HAAO: variants seen among roughly 807,000 people sequenced by gnomAD.
HAAO encodes the protein 3-hydroxyanthranilate oxygenase.
HAAO carries 49 observed loss-of-function variants against 46.2 expected under a neutral mutation model. The ratio of observed to expected loss-of-function variants is 1.06; its 90% CI spans 0.84 to 1.34. The LOEUF is 1.34. HAAO is among the 40% of genes most tolerant of loss of function. The pLI, the probability that HAAO is intolerant of heterozygous loss-of-function variation, is 0.00. For missense variants in HAAO, 408 were observed against 364.5 expected (o/e 1.12, Z -0.97); for synonymous variants, 157 against 145.2 (o/e 1.08, Z -0.58).
chr2:42,788,130 TG>T (rs1361251988), intron 2 of HAAO, among the ~76,000 whole-genome samples: 1 of 152,188 alleles, frequency 6.6e-6, no homozygotes, highest in Non-Finnish European at 1.5e-5. Flanking sequence ...ACGGTGTTTT[TG>T]CACTTTGCCC....
At position 42,783,786 on chromosome 2, in the gene HAAO, C is replaced by T. The variant is rs1486834683; in HGVS notation, c.241G>A (p.Glu81Lys). The change falls in exon 3 of 10, where the codon GAG (glutamate) becomes AAG (lysine). Residue 81 changes from glutamate to lysine, a missense_variant and splice_region_variant. Glu to Lys is a moderately conservative substitution (Grantham distance 56). Coordinates refer to ENST00000294973, the MANE Select transcript of HAAO (RefSeq NM_012205.3). ...ACCCTGCTGGGATCCGGCCTCACCT[C>T]TCCCTGCCGAATGACCACATCCCGG... Reference protein sequence around the residue: ...KHRDVVIRQGEIFLLPARVPH... With the variant: ...KHRDVVIRQGKIFLLPARVPH... 1.2e-6 allele frequency: 2 copies of T among 1,611,428 alleles called. No homozygotes were observed. The highest frequency in any genetic ancestry group is 1.7e-5 in the Admixed American group (1 of 59,694).
intron 6 of HAAO, 79 bp downstream of exon 6, chr2:42,770,064 C>G (rs757961797): frequency 7.2e-7 from 1 of 1,379,918 alleles, no homozygotes; most frequent in African/African-American, 1.4e-5. Context: ...AAAGAGACTC[C>G]CCGGTCCCCT....
In HAAO at chr2:42,767,954, C is replaced by G. The variant is rs751804650; in HGVS notation, c.631-26G>C. On this transcript the variant is annotated intron_variant, in intron 7 of 9. Coordinates refer to ENST00000294973, the MANE Select transcript of HAAO (RefSeq NM_012205.3). ...CTGGTGGGAGGTGAAACAGAAACTT[C>G]TGGTGCTTCTTGCCCCACATGGGAG... 9.3e-6 allele frequency: 15 copies of G among 1,605,092 alleles called. No homozygotes were observed. In the Admixed American group the frequency reaches 1.8e-4, roughly 20 times the overall value.
chr2:42,770,510 C>T lies in HAAO; in HGVS notation c.423G>A (p.Leu141=). The T allele has an allele frequency of 6.4e-7, 1 of 1,551,680 alleles. No homozygotes were observed. Among genetic ancestry groups the T allele is most frequent in the African/African-American group, 1.4e-5 (1 of 73,196 alleles). Reference sequence around the variant, plus strand: ...GGGCTCACTCCTGGATGATGGGGGCCAACTGCGTGCCGAGGTCCTTGCAGT... The same window carrying T: ...GGGCTCACTCCTGGATGATGGGGGCTAACTGCGTGCCGAGGTCCTTGCAGT... ...WFYCKDLGTQ[L]APIIQEFFSS... is the part of the protein sequence containing the mutation. Residue 141 remains leucine, a synonymous_variant, in exon 5 of 10, where the codon TTG becomes TTA. Coordinates refer to ENST00000294973, the MANE Select transcript of HAAO (RefSeq NM_012205.3).
At chr2:42,788,870 T>C (rs181674810) in intron 1 of HAAO, 178 of 442,650 alleles carry the variant, frequency 4.0e-4, no homozygotes, top group African/African-American at 3.1e-3. Flanking sequence ...ACAAGGGAAA[T>C]GATGTGGTGG....
intron 8 of HAAO, 53 bp from the exon 9 acceptor site, chr2:42,767,730 G>A (rs986007426): frequency 1.3e-6 from 2 of 1,546,194 alleles, no homozygotes; most frequent in African/African-American, 1.4e-5. Context: ...CTCATCACCT[G>A]GGTGAATGTC....
intron 4 of HAAO, chr2:42,783,060 G>A: frequency 1.8e-6 from 1 of 546,906 alleles, no homozygotes; most frequent in South Asian, 2.2e-5. Context: ...CACAGATTCT[G>A]ATTCCAGCCA....
intron 7 of HAAO, among the ~76,000 whole-genome samples, chr2:42,769,266 G>GA (rs1670897709): frequency 6.6e-6 from 1 of 152,190 alleles, no homozygotes; most frequent in Non-Finnish European, 1.5e-5. Context: ...AATGTGGAAT[G>GA]AAAGAAAGTC....
chr2:42,792,446 G>T lies in HAAO; in HGVS notation c.80+11C>A. ...GAGGGCAGGGGGCGGCCATGGGGGT[G>T]CTGGACTCACATGAGCTTGTTGCAG... On this transcript the variant is annotated intron_variant, in intron 1 of 9. Coordinates refer to ENST00000294973, the MANE Select transcript of HAAO (RefSeq NM_012205.3). The T allele has an allele frequency of 1.9e-6, 3 of 1,547,108 alleles. No individual in the cohort carries two copies. The highest frequency in any genetic ancestry group is 2.6e-6 in the Non-Finnish European group (3 of 1,138,082).
chr2:42,767,620 T>C lies in HAAO; in HGVS notation c.757A>G (p.Ser253Gly). The C allele has an allele frequency of 6.4e-7, 1 of 1,574,124 alleles. No homozygotes were observed. Among genetic ancestry groups the C allele is most frequent in the Non-Finnish European group, 8.6e-7 (1 of 1,159,110 alleles). ...GAGGTCCCAGCTAGCACCAGGAGGCTGTCATCAGGGGCCAGGCTCAGGCGC... is the reference window on the plus strand; with the variant it reads ...GAGGTCCCAGCTAGCACCAGGAGGCCGTCATCAGGGGCCAGGCTCAGGCGC... The part of the protein sequence containing the change: ...GRRLSLAPDD[S>G]LLVLAGTSYA... The change falls in exon 9 of 10, where the codon AGC (serine) becomes GGC (glycine). Residue 253 changes from serine (S) to glycine (G), a missense_variant. Ser to Gly is a moderately conservative substitution (Grantham distance 56). Transcript: ENST00000294973.
chr2:42,777,318 AAAAAAG>A (rs1202786177), intron 4 of HAAO, among the ~76,000 whole-genome samples: 9 of 150,818 alleles, frequency 6.0e-5, no homozygotes, highest in African/African-American at 1.7e-4. Context: ...AAAAAAAAAA[AAAAAAG>A]AAGAAAGAAA....
At chr2:42,789,216 A>G (rs1672608006) in intron 1 of HAAO, 1 of 153,584 alleles carries the variant, frequency 6.5e-6, no homozygotes, top group Admixed American at 6.4e-5. Context: ...AACAGAATAC[A>G]TGAATTAATA....
intron 7 of HAAO, 40 bp downstream of exon 7, chr2:42,769,673 G>T: frequency 6.4e-7 from 1 of 1,564,536 alleles, no homozygotes. Context: ...TTCCAGGGCT[G>T]CTGTGGGAGG....
intron 4 of HAAO, among the ~76,000 whole-genome samples, chr2:42,775,073 C>T (rs974468276): frequency 1.3e-5 from 2 of 151,954 alleles, no homozygotes; most frequent in African/African-American, 4.8e-5. Context: ...GTGGTGAAAC[C>T]CCGTCTCTAC....
chr2:42,769,573 G>GTA, intron 7 of HAAO, 140 bp downstream of exon 7: 1 of 43,408 alleles, frequency 2.3e-5, no homozygotes. Context: ...TCTGAAATGT[G>GTA]TGTGTGTGTG....
chr2:42,790,718 G>C (rs924223518), intron 1 of HAAO, among the ~76,000 whole-genome samples: 3 of 152,008 alleles, frequency 2.0e-5, no homozygotes, highest in Non-Finnish European at 4.4e-5. Context: ...TTTTAGCAGA[G>C]ACGGGGTTTC....
In HAAO at chr2:42,788,603, G is replaced by T; in HGVS notation, c.85C>A (p.Gln29Lys). 6.4e-7 allele frequency: 1 copy of T among 1,570,758 alleles called. No individual in the cohort carries two copies. The highest frequency in any genetic ancestry group is 8.8e-7 in the Non-Finnish European group (1 of 1,141,346). ...QPPVCNKLMH[Q>K]EQLKVMFIGG... ...ATGAACATGACTTTGAGCTGCTCCT[G>T]GTGCCTGCAATGCGCAAAGTGGGGG... Residue 29 changes from glutamine to lysine, a missense_variant, in exon 2 of 10, where the codon CAG (glutamine) becomes AAG (lysine). Gln to Lys is a moderately conservative substitution (Grantham distance 53). Coordinates refer to ENST00000294973, the MANE Select transcript of HAAO (RefSeq NM_012205.3).
chr2:42,777,303 C>CAAAAAAAAAAAAAAAA (rs1215772853), intron 4 of HAAO, among the ~76,000 whole-genome samples: 8 of 40,216 alleles, frequency 2.0e-4, no homozygotes, highest in African/African-American at 3.8e-4. Flanking sequence ...ACTCTTATCG[C>CAAAAAAAAAAAAAAAA]AAAAAAAAAA....
chr2:42,790,879 C>T (rs944300560), intron 1 of HAAO, among the ~76,000 whole-genome samples: 2 of 152,110 alleles, frequency 1.3e-5, no homozygotes, highest in African/African-American at 4.8e-5. Context: ...AATTTAGGTA[C>T]ATACAGACAA....
Sources: allele counts gnomAD v4.1 joint callset (sites outside exome capture counted in the v4.1 genomes callset), GRCh38; gene constraint gnomAD v4.1.1; transcripts MANE v1.5; gene names NCBI Gene and HGNC (gene_info 2026-07-23, HGNC 2026-07-21).